Variants in CACNA2D4 observed in about 807,000 individuals in gnomAD.
CACNA2D4 encodes voltage-dependent calcium channel subunit alpha-2/delta-4.
A neutral mutation model predicts 163.8 loss-of-function variants in CACNA2D4; 157 were observed. That is an observed-to-expected ratio of 0.96 (90% CI 0.84 to 1.09). The LOEUF (loss-of-function observed/expected upper bound fraction) is 1.09. Ranked by LOEUF, CACNA2D4 falls within the 50% of genes least tolerant of loss-of-function variation. The probability of loss-of-function intolerance (pLI) is 0.00; values close to 1 mark genes in which losing one functional copy is unlikely to be tolerated. For missense variants in CACNA2D4, 1,410 were observed against 1,479.9 expected, an observed-to-expected ratio of 0.95 and a Z score of 0.78; for synonymous variants, 598 against 586.9, an observed-to-expected ratio of 1.02 and a Z score of -0.27.
chr12:1,914,120 G>T (rs914892438), intron 2 of CACNA2D4, among the ~76,000 whole-genome samples: 2 of 152,192 alleles, frequency 1.3e-5, no homozygotes, highest in African/African-American at 4.8e-5. Context: ...AGTTGAGCAG[G>T]GACATGTGGT....
chr12:1,857,556 G>A (rs976700299), intron 20 of CACNA2D4, among the ~76,000 whole-genome samples: 1 of 152,144 alleles, frequency 6.6e-6, no homozygotes, highest in African/African-American at 2.4e-5. Context: ...GATAGCAGAG[G>A]GTAGTATGTG....
chr12:1,909,906 C>T lies in CACNA2D4; in HGVS notation c.486G>A (p.Val162=). ...DLNHEFNESL[V]FDYYNSVLIN... is the part of the protein sequence containing the mutation. ...CACCAGTGCCAGGAGTGGGACTCAC[C>T]ACCAGGGATTCATTGAATTCGTGGT... Residue 162 remains valine (V), a splice_region_variant and synonymous_variant, in exon 4 of 38, where the codon GTG becomes GTA. Transcript: ENST00000382722. 6.2e-7 allele frequency: 1 copy of T among 1,613,500 alleles called. No homozygotes were observed.
chr12:1,823,046 C>T (rs1864173014), intron 26 of CACNA2D4, among the ~76,000 whole-genome samples: 1 of 152,180 alleles, frequency 6.6e-6, no homozygotes, highest in African/African-American at 2.4e-5. Context: ...TGCAAATGCC[C>T]CCTTTACCCC....
rs375433022 is a variant in CACNA2D4, at chr12:1,884,794, C to A, written c.1246G>T (p.Glu416Ter). ...GAVEDYEPVF[E>*]KYNWPDCKVR... ...TTACAGTCTGGCCAGTTATACTTCTCAAACACCGGCTCGTAGTCCTCCACG... is the reference window on the plus strand; with the variant it reads ...TTACAGTCTGGCCAGTTATACTTCTAAAACACCGGCTCGTAGTCCTCCACG... Residue 416 changes from glutamate to a stop codon, truncating the protein, a stop_gained, in exon 11 of 38, where the codon GAG becomes TAG. Transcript: ENST00000382722. LOFTEE classifies it high-confidence loss of function. 6.2e-7 allele frequency: 1 copy of A among 1,613,724 alleles called. No homozygotes were observed. Among genetic ancestry groups the A allele is most frequent in the Non-Finnish European group, 8.5e-7 (1 of 1,179,758 alleles).
At chr12:1,897,792 A>C (rs572264443) in intron 6 of CACNA2D4, among the ~76,000 whole-genome samples, 59 of 152,320 alleles carry the variant, frequency 3.9e-4, no homozygotes, top group African/African-American at 1.4e-3. Flanking sequence ...GTGTTGTAGG[A>C]GTTAATAAGG....
intron 26 of CACNA2D4, among the ~76,000 whole-genome samples, chr12:1,821,876 C>CGGGT (rs1565686091): frequency 6.6e-6 from 1 of 151,988 alleles, no homozygotes; most frequent in African/African-American, 2.4e-5. Context: ...TGTTGGCACC[C>CGGGT]GGCTGTCAGG....
chr12:1,804,240 A>G (rs1863442893), intron 29 of CACNA2D4, among the ~76,000 whole-genome samples: 1 of 151,570 alleles, frequency 6.6e-6, no homozygotes, highest in African/African-American at 2.4e-5. Flanking sequence ...GCACCACACC[A>G]TGTCCTGTTC....
In CACNA2D4 at chr12:1,884,263, C is replaced by T; in HGVS notation, c.1331G>A (p.Trp444Ter). The T allele has an allele frequency of 6.2e-7, 1 of 1,612,344 alleles. No individual in the cohort carries two copies. Among genetic ancestry groups the T allele is most frequent in the Non-Finnish European group, 8.5e-7 (1 of 1,179,412 alleles). Residue 444 changes from tryptophan (W) to a stop codon, truncating the protein, a stop_gained, in exon 12 of 38, where the codon TGG becomes TAG. Coordinates refer to ENST00000382722, the MANE Select transcript of CACNA2D4 (RefSeq NM_172364.5). LOFTEE classifies it high-confidence loss of function. The stretch of plus-strand genomic sequence containing the variant: ...CTCACCTTTGTTGTTGCATGCAATC[C>T]ACTTCATGCGGTCAGCAAAAGACAC... ...REVSFADRMK[W>*]IACNNKGYYT...
At chr12:1,815,553 G>C (rs1863848153) in intron 26 of CACNA2D4, among the ~76,000 whole-genome samples, 1 of 151,108 alleles carries the variant, frequency 6.6e-6, no homozygotes, top group Non-Finnish European at 1.5e-5. Flanking sequence ...TTGTCTGTCT[G>C]GGGCTAATAG....
Position 1,828,803 on chromosome 12 carries a change from G to A in CACNA2D4, c.2551+11936C>T, listed in dbSNP as rs375869432. ...CTCCTGCATATAGGCAGACTGAGCC[G>A]TCCATTTACCAAAAAGGGGAGGAAG... On this transcript the variant is annotated intron_variant, in intron 26 of 37. Coordinates refer to ENST00000382722, the MANE Select transcript of CACNA2D4 (RefSeq NM_172364.5). This position sits in a 1 kb window ranked among gnomAD's most constrained non-coding sequence, Gnocchi z 4.2. 3.5e-4 allele frequency among the ~76,000 whole-genome samples: 54 copies of A among 152,162 alleles called. No homozygotes were observed. Among genetic ancestry groups the A allele is most frequent in the African/African-American group, 7.7e-4 (32 of 41,432 alleles).
At position 1,801,626 on chromosome 12, in the gene CACNA2D4, C is replaced by A. The variant is rs1555174422; in HGVS notation, c.2740G>T (p.Glu914Ter). The change falls in exon 30 of 38, where the codon GAG becomes TAG. Residue 914 changes from glutamate to a stop codon, truncating the protein, a stop_gained. Transcript: ENST00000382722. LOFTEE classifies it high-confidence loss of function. ...RSRETGRFLG[E>*]VDGAVLTQLL... ...TGGGTCAGGACAGCACCATCCACCTCCCCCAGAAATCTTCCCGTCTGTGAG... is the reference window on the plus strand; with the variant it reads ...TGGGTCAGGACAGCACCATCCACCTACCCCAGAAATCTTCCCGTCTGTGAG... 6.3e-7 allele frequency: 1 copy of A among 1,587,238 alleles called. No individual in the cohort carries two copies. The highest frequency in any genetic ancestry group is 2.3e-5 in the East Asian group (1 of 43,484).
At chr12:1,804,951 A>C (rs1182129628) in intron 29 of CACNA2D4, among the ~76,000 whole-genome samples, 4 of 152,248 alleles carry the variant, frequency 2.6e-5, no homozygotes, top group African/African-American at 9.6e-5. Flanking sequence ...TTGTCAGGGC[A>C]AATCCCCGAC....
intron 14 of CACNA2D4, among the ~76,000 whole-genome samples, chr12:1,879,436 C>T (rs965969557): frequency 6.6e-5 from 10 of 152,268 alleles, no homozygotes; most frequent in African/African-American, 2.4e-4. Context: ...GAAATCCCCT[C>T]ACCAGAGGCC....
intron 18 of CACNA2D4, among the ~76,000 whole-genome samples, chr12:1,863,872 CA>C (rs1446906088): frequency 6.9e-6 from 1 of 145,608 alleles, no homozygotes; most frequent in East Asian, 2.0e-4. Flanking sequence ...CCCTGAATGT[CA>C]ACAGAAGACT....
chr12:1,865,565 C>T (rs1401735719), intron 18 of CACNA2D4, among the ~76,000 whole-genome samples: 1 of 152,228 alleles, frequency 6.6e-6, no homozygotes, highest in African/African-American at 2.4e-5. Context: ...AGTCGTAGTT[C>T]ATCGAGAAGG....
rs534991278 is a variant in CACNA2D4 at position 1,835,001 on chromosome 12, G to T, written c.2551+5738C>A. 1.0e-5 allele frequency: 5 copies of T among 489,608 alleles called. No homozygotes were observed. In the South Asian group the frequency reaches 1.6e-4, roughly 16 times the overall value. 30.3% of individuals were successfully genotyped at this position (489,608 alleles called of 1,614,324 possible). On this transcript the variant is annotated intron_variant, in intron 26 of 37. Transcript: ENST00000382722. ...GCTCTGGCCACAGCAAAGCAAGGAG[G>T]TGTGTGCAAGAGGAGGCTTCCGGAC... is the stretch of plus-strand genomic sequence containing the variant.
chr12:1,896,633 AC>A lies in CACNA2D4; in HGVS notation c.782-9565del, dbSNP rs1565734665. On this transcript the variant is annotated intron_variant, in intron 6 of 37. Transcript: ENST00000382722. ...CACACACACACACACACACACACAC[AC>A]ACACACACACACACACACACAAAAC... is the stretch of plus-strand genomic sequence containing the variant. Among the ~76,000 whole-genome samples the A allele has an allele frequency of 7.3e-4, 105 of 143,106 alleles. 1 individual carries two copies. In the East Asian group the frequency reaches 0.013, roughly 18 times the overall value. The allele number at this position is 143,106 out of a possible 152,430, so 93.9% of individuals were successfully genotyped here.
chr12:1,890,316 G>T lies in CACNA2D4; in HGVS notation c.782-3247C>A, dbSNP rs970125759. On this transcript the variant is annotated intron_variant, in intron 6 of 37. Coordinates refer to ENST00000382722, the MANE Select transcript of CACNA2D4 (RefSeq NM_172364.5). ...ACTCCACCAGACTGCGTCCTGCCTG[G>T]GGGCCCAACAGCTTCTGGATCTTCA... is the stretch of plus-strand genomic sequence containing the variant. 2.0e-5 allele frequency among the ~76,000 whole-genome samples: 3 copies of T among 152,136 alleles called. No individual in the cohort carries two copies. In the East Asian group the frequency reaches 5.8e-4, roughly 29 times the overall value.
Position 1,830,351 on chromosome 12 carries a change from G to A in CACNA2D4, c.2551+10388C>T, listed in dbSNP as rs912822049. On this transcript the variant is annotated intron_variant, in intron 26 of 37. Coordinates refer to ENST00000382722, the MANE Select transcript of CACNA2D4 (RefSeq NM_172364.5). Reference sequence around the variant, plus strand: ...ATGGAAACATAACAGCACTTGGGACGCCGTGAAGGACAGGGCTAGGAGTGC... The same window carrying A: ...ATGGAAACATAACAGCACTTGGGACACCGTGAAGGACAGGGCTAGGAGTGC... Among the ~76,000 whole-genome samples the A allele has an allele frequency of 9.6e-4, 146 of 152,318 alleles. 1 individual carries two copies. The highest frequency in any genetic ancestry group is 3.7e-4 in the Non-Finnish European group (25 of 68,030).
Sources: gnomAD v4.1 joint callset for allele counts (sites outside exome capture counted in the v4.1 genomes callset) on GRCh38, gnomAD v4.1.1 for gene constraint, Gnocchi (gnomAD v3.1) non-coding constraint, MANE v1.5 for transcripts, NCBI Gene and HGNC (gene_info 2026-07-23, HGNC 2026-07-21) for gene names.